CHLSN: variants seen among roughly 807,000 people sequenced by gnomAD.
CHLSN encodes protein cholesin.
the CHLSN span, among the ~76,000 whole-genome samples, chr7:1,029,903 C>G: frequency 6.6e-6 from 1 of 152,182 alleles, no homozygotes; most frequent in African/African-American, 2.4e-5. Context: ...CAAGGGTGGA[C>G]TGGAGGCCTC....
the CHLSN span, among the ~76,000 whole-genome samples, chr7:1,132,681 G>A: frequency 5.3e-5 from 7 of 132,308 alleles, no homozygotes; most frequent in African/African-American, 2.1e-4. Context: ...ACAACAGAGT[G>A]AGAACCTGTC....
chr7:1,042,219 T>C, the CHLSN span, among the ~76,000 whole-genome samples: 5 of 151,204 alleles, frequency 3.3e-5, no homozygotes, highest in African/African-American at 1.2e-4. Flanking sequence ...TGCCCTCAAA[T>C]GCCCTCAGCA....
the CHLSN span, among the ~76,000 whole-genome samples, chr7:1,122,855 G>A: frequency 3.9e-5 from 6 of 152,196 alleles, no homozygotes; most frequent in African/African-American, 7.2e-5. Context: ...CAACCCCAGC[G>A]GCAGAACCTC....
chr7:1,069,255 T>G, the CHLSN span, among the ~76,000 whole-genome samples: 13 of 152,208 alleles, frequency 8.5e-5, no homozygotes, highest in African/African-American at 2.6e-4. Context: ...CGCTTGAACC[T>G]GGGAGGCAGA....
chr7:1,002,770 TTGGGTGAGTGGAGTCCTG>T, the CHLSN span, among the ~76,000 whole-genome samples: 1 of 65,656 alleles, frequency 1.5e-5, no homozygotes. Context: ...TGGGGAGTCC[TTGGGTGAGTGGAGTCCTG>T]TGGGTGAGTG....
At chr7:1,054,255 G>A in the CHLSN span, among the ~76,000 whole-genome samples, 3 of 152,248 alleles carry the variant, frequency 2.0e-5, no homozygotes, top group African/African-American at 7.2e-5. Flanking sequence ...GGAGAGTGAA[G>A]GAAAACAGGT....
chr7:1,096,678 T>C, the CHLSN span, among the ~76,000 whole-genome samples: 55 of 152,330 alleles, frequency 3.6e-4, no homozygotes, highest in African/African-American at 1.3e-3. The surrounding 1 kb of genome is among the most constrained non-coding windows in gnomAD (Gnocchi z 4.6). Flanking sequence ...CAAAAGTACA[T>C]AGCTGCAAGC....
At chr7:1,013,406 G>C in the CHLSN span, among the ~76,000 whole-genome samples, 19 of 152,346 alleles carry the variant, frequency 1.2e-4, no homozygotes, top group Non-Finnish European at 2.6e-4. Flanking sequence ...AAAAGCCTGT[G>C]AGGGCCCCTT....
the CHLSN span, among the ~76,000 whole-genome samples, chr7:1,037,239 TG>T: frequency 2.3e-3 from 330 of 141,394 alleles, 6 homozygotes; most frequent in African/African-American, 7.9e-3. Flanking sequence ...CCCTAAAGTT[TG>T]GAACAGTACA....
At chr7:998,404 A>G in the CHLSN span, among the ~76,000 whole-genome samples, 1 of 150,942 alleles carries the variant, frequency 6.6e-6, no homozygotes, top group African/African-American at 2.4e-5. Flanking sequence ...CCCATTCTGT[A>G]GCAACCATTT....
chr7:1,101,060 C>T, the CHLSN span, among the ~76,000 whole-genome samples: 2 of 152,342 alleles, frequency 1.3e-5, no homozygotes, highest in East Asian at 3.9e-4. Flanking sequence ...CAGGCCCAGG[C>T]GGCCCTGCCA....
the CHLSN span, among the ~76,000 whole-genome samples, chr7:1,006,804 C>T: frequency 4.1e-4 from 63 of 152,274 alleles, no homozygotes; most frequent in South Asian, 1.7e-3. Flanking sequence ...GAGCGCATGA[C>T]GGCCACAATC....
the CHLSN span, among the ~76,000 whole-genome samples, chr7:1,012,148 C>T: frequency 3.3e-5 from 5 of 152,260 alleles, no homozygotes; most frequent in South Asian, 2.1e-4. Context: ...CCATGGGCCA[C>T]GCAGTCCACG....
chr7:1,020,021 C>T, the CHLSN span, among the ~76,000 whole-genome samples: 5 of 152,216 alleles, frequency 3.3e-5, no homozygotes, highest in African/African-American at 9.6e-5. Context: ...AGAAGTCCAG[C>T]GAGGCGGCAG....
chr7:1,063,381 C>T, the CHLSN span, among the ~76,000 whole-genome samples: 1 of 152,230 alleles, frequency 6.6e-6, no homozygotes, highest in African/African-American at 2.4e-5. Context: ...TGTGACTGAT[C>T]GGGTGCTCCT....
At chr7:1,011,813 G>C in the CHLSN span, among the ~76,000 whole-genome samples, 2 of 152,222 alleles carry the variant, frequency 1.3e-5, no homozygotes, top group East Asian at 3.9e-4. Flanking sequence ...CAAGAGACAG[G>C]GCCTGGGGGA....
chr7:1,000,176 G>A, the CHLSN span, among the ~76,000 whole-genome samples: 10 of 152,282 alleles, frequency 6.6e-5, no homozygotes, highest in East Asian at 1.5e-3. Flanking sequence ...CTGCAGTGGG[G>A]CCCTGAGGGC....
the CHLSN span, among the ~76,000 whole-genome samples, chr7:1,098,397 G>A: frequency 1.3e-5 from 2 of 152,222 alleles, no homozygotes; most frequent in East Asian, 3.8e-4. Context: ...CCAATAGACG[G>A]AGAAACGAAA....
At chr7:1,090,590 C>T in the CHLSN span, among the ~76,000 whole-genome samples, 22 of 147,052 alleles carry the variant, frequency 1.5e-4, no homozygotes, top group African/African-American at 5.8e-4. Flanking sequence ...GACGGGACCT[C>T]TCCACTGGCG....
Sources: allele counts gnomAD v4.1 joint callset (sites outside exome capture counted in the v4.1 genomes callset), GRCh38; gene constraint gnomAD v4.1.1; non-coding constraint Gnocchi (gnomAD v3.1); transcripts MANE v1.5; gene names NCBI Gene and HGNC (gene_info 2026-07-23, HGNC 2026-07-21).